Variants in PPP1R3F observed in about 807,000 individuals in gnomAD.
PPP1R3F encodes protein phosphatase 1, regulatory (inhibitor) subunit 3F.
In PPP1R3F, 29 loss-of-function variants were observed where a neutral mutation model predicts 24.2. The observed-to-expected ratio is 1.20, with a 90% CI of 0.89 to 1.63. The LOEUF is 1.63. PPP1R3F is among the 40% of genes most tolerant of loss of function. The pLI, the probability that PPP1R3F is intolerant of heterozygous loss-of-function variation, is 0.00. For missense variants in PPP1R3F, 823 were observed against 729.3 expected, an observed-to-expected ratio of 1.13 and a Z score of -1.48; for synonymous variants, 363 against 340.1, an observed-to-expected ratio of 1.07 and a Z score of -0.74.
At chrX:49,299,361 G>T (rs957392931) in intron 3 of PPP1R3F, among the ~76,000 whole-genome samples, 7 of 112,126 alleles carry the variant, frequency 6.2e-5, no homozygotes, top group Non-Finnish European at 1.1e-4. Context: ...AAAGATTGCT[G>T]CCTTTTCCTT....
At chrX:49,284,509 C>CTTTTTTTT (rs145170789) in intron 3 of PPP1R3F, among the ~76,000 whole-genome samples, 12 of 50,853 alleles carry the variant, frequency 2.4e-4, no homozygotes, top group Non-Finnish European at 2.9e-4. Flanking sequence ...CTTTTTCTTT[C>CTTTTTTTT]TTTTTTTTTT....
intron 1 of PPP1R3F, 194 bp from the exon 2 acceptor site, chrX:49,281,212 C>T: frequency 3.1e-6 from 1 of 317,699 alleles, no homozygotes; most frequent in Non-Finnish European, 5.5e-6. Flanking sequence ...TTAGACTTTC[C>T]TGTATTTTGC....
At chrX:49,284,492 CTT>C (rs1272226411) in intron 3 of PPP1R3F, among the ~76,000 whole-genome samples, 1 of 65,484 alleles carries the variant, frequency 1.5e-5, no homozygotes, top group Admixed American at 1.8e-4. Flanking sequence ...CTCTTTCTTT[CTT>C]TTTTCTTTTT....
rs782546779 is a variant in PPP1R3F, at chrX:49,270,882, A to AGCCAGC, written c.1004+14_1004+19dup. On this transcript the variant is annotated intron_variant, in intron 1 of 3. Coordinates refer to ENST00000055335, the MANE Select transcript of PPP1R3F (RefSeq NM_033215.5). ...AAGCCGGTGAGGCGCAGGTAATGTCAGCCAGCGCCACCTCCGCCAACGCAG... is the reference window on the plus strand; with the variant it reads ...AAGCCGGTGAGGCGCAGGTAATGTCAGCCAGCGCCAGCGCCACCTCCGCCAACGCAG... 6.6e-5 allele frequency: 77 copies of AGCCAGC among 1,163,096 alleles called. No homozygotes were observed. The highest frequency in any genetic ancestry group is 8.7e-5 in the Non-Finnish European group (76 of 871,081).
intron 3 of PPP1R3F, among the ~76,000 whole-genome samples, chrX:49,297,732 C>T (rs1322989885): frequency 9.1e-6 from 1 of 110,396 alleles, no homozygotes; most frequent in Non-Finnish European, 1.9e-5. Flanking sequence ...TGCATTGATC[C>T]CTTTACCATT....
downstream of PPP1R3F, among the ~76,000 whole-genome samples, chrX:49,291,010 G>A (rs1270775628): frequency 9.0e-6 from 1 of 111,616 alleles, no homozygotes; most frequent in East Asian, 2.8e-4. Flanking sequence ...AAATTGAGAC[G>A]CAATCTTGTT....
intron 3 of PPP1R3F, among the ~76,000 whole-genome samples, chrX:49,293,673 T>C (rs1230454249): frequency 1.8e-5 from 2 of 112,147 alleles, no homozygotes; most frequent in Non-Finnish European, 3.8e-5. Flanking sequence ...TAGGCATACA[T>C]ACACCTGTGT....
At chrX:49,280,974 G>T (rs992766543) in intron 1 of PPP1R3F, 2 of 117,118 alleles carry the variant, frequency 1.7e-5, no homozygotes, top group African/African-American at 6.4e-5. Flanking sequence ...CTAAATGAAA[G>T]AACTTAGCTG....
At chrX:49,297,480 C>T (rs374256293) in intron 3 of PPP1R3F, among the ~76,000 whole-genome samples, 7 of 110,667 alleles carry the variant, frequency 6.3e-5, no homozygotes, top group African/African-American at 1.3e-4. Context: ...TCTCAAAGTG[C>T]GGGGATTACA....
chrX:49,300,352 T>C (rs1602722548), intron 3 of PPP1R3F, among the ~76,000 whole-genome samples: 1 of 110,640 alleles, frequency 9.0e-6, no homozygotes, highest in African/African-American at 3.3e-5. Context: ...CACTGTCTAA[T>C]GAGTCCCAGT....
At chrX:49,282,101 A>C in intron 3 of PPP1R3F, 38 bp downstream of exon 3, 1 of 1,041,005 alleles carries the variant, frequency 9.6e-7, no homozygotes, top group Non-Finnish European at 1.3e-6. Context: ...AGACAGCCCA[A>C]TAGGAGGCTC....
intron 1 of PPP1R3F, among the ~76,000 whole-genome samples, chrX:49,271,178 G>A (rs1004918529): frequency 8.9e-6 from 1 of 111,771 alleles, no homozygotes; most frequent in African/African-American, 3.3e-5. Context: ...AAGCAGATAG[G>A]ATAAATAGGG....
In PPP1R3F at chrX:49,269,816, C is replaced by T; in HGVS notation, c.-54C>T. 3.8e-6 allele frequency: 3 copies of T among 788,485 alleles called. No homozygotes were observed. The highest frequency in any genetic ancestry group is 4.4e-5 in the African/African-American group (2 of 45,452). The allele number at this position is 788,485 out of a possible 1,213,427, so 65.0% of individuals were successfully genotyped here. The stretch of plus-strand genomic sequence containing the variant: ...CCATTGGCTGCCCGCCCCTTCAGGC[C>T]CTGCCCCCGCCGGTCCCGCCGCCGG... On this transcript the variant is annotated 5_prime_UTR_variant, in exon 1 of 4. Transcript: ENST00000055335.
Position 49,270,846 on chromosome X carries a change from A to C in PPP1R3F, c.977A>C (p.Lys326Thr). The change falls in exon 1 of 4, where the codon AAG becomes ACG. Residue 326 changes from lysine (K) to threonine (T), a missense_variant. Transcript: ENST00000055335. ...GTGGAGGCTGAGGCCAGGCAGCTGA[A>C]GAGCTGCATGAAGCCGGTGAGGCGC... ...GPVEAEARQLKSCMKPVRRRP... is the reference protein window; with the variant it reads ...GPVEAEARQLTSCMKPVRRRP... 1 of 1,185,721 alleles carries C rather than the reference A, an allele frequency of 8.4e-7. No individual in the cohort carries two copies. Among genetic ancestry groups the C allele is most frequent in the Non-Finnish European group, 1.1e-6 (1 of 882,469 alleles).
chrX:49,282,191 T>C, intron 3 of PPP1R3F, 128 bp downstream of exon 3: 1 of 462,400 alleles, frequency 2.2e-6, no homozygotes, highest in South Asian at 3.7e-5. Flanking sequence ...GGCACAAAAC[T>C]CAGAACCTGA....
chrX:49,272,353 A>G (rs1243454973), intron 1 of PPP1R3F, among the ~76,000 whole-genome samples: 4 of 112,457 alleles, frequency 3.6e-5, no homozygotes, highest in African/African-American at 1.3e-4. Flanking sequence ...CTGGGTTCAA[A>G]TCCTGGCGCT....
In PPP1R3F at chrX:49,281,398, C is replaced by T; in HGVS notation, c.1005-8C>T. On this transcript the variant is annotated splice_region_variant and splice_polypyrimidine_tract_variant and intron_variant, in intron 1 of 3. Transcript: ENST00000055335. ...TTAGATCCATGTACTCTCTCCTCTG[C>T]CCTGCAGGCCTGCCGAGGAGGAACT... 1 of 1,201,949 alleles carries T rather than the reference C, an allele frequency of 8.3e-7. No individual in the cohort carries two copies. The highest frequency in any genetic ancestry group is 1.1e-6 in the Non-Finnish European group (1 of 888,061).
chrX:49,279,953 G>C (rs1557120456), intron 1 of PPP1R3F, among the ~76,000 whole-genome samples: 1 of 112,350 alleles, frequency 8.9e-6, no homozygotes, highest in Non-Finnish European at 1.9e-5. Context: ...GGAGGAGCAA[G>C]ACCCATAAAT....
chrX:49,281,995 G>A lies in PPP1R3F; in HGVS notation c.1075G>A (p.Val359Ile), dbSNP rs782762696. Residue 359 changes from valine (V) to isoleucine (I), a missense_variant, in exon 3 of 4, where the codon GTC (valine) becomes ATC (isoleucine). Transcript: ENST00000055335. ...NTFAMAEHPDVQESVGPLVAP... is the reference protein window; with the variant it reads ...NTFAMAEHPDIQESVGPLVAP... ...CTTCCCTCTAGCAGAGCATCCTGAT[G>A]TCCAGGAGTCAGTGGGTCCACTGGT... is the stretch of plus-strand genomic sequence containing the variant. 3 of 1,206,841 alleles carry A rather than the reference G, an allele frequency of 2.5e-6. No individual in the cohort carries two copies. The highest frequency in any genetic ancestry group is 1.8e-5 in the South Asian group (1 of 56,818).
Sources: gnomAD v4.1 joint callset for allele counts (sites outside exome capture counted in the v4.1 genomes callset) on GRCh38, gnomAD v4.1.1 for gene constraint, MANE v1.5 for transcripts, NCBI Gene and HGNC (gene_info 2026-07-23, HGNC 2026-07-21) for gene names.